The following NYAP1 variants were observed in gnomAD, a reference collection of about 807,000 sequenced individuals.
NYAP1 encodes neuronal tyrosine-phosphorylated phosphoinositide-3-kinase adapter 1.
In NYAP1, 20 loss-of-function variants were observed where a neutral mutation model predicts 58.6. The ratio of observed to expected loss-of-function variants is 0.34; its 90% CI spans 0.24 to 0.50. NYAP1 has a LOEUF of 0.50. Among genes scored for constraint, NYAP1 ranks in the 20% least tolerant of loss-of-function variants. The probability of loss-of-function intolerance (pLI) is 0.98; values close to 1 mark genes in which losing one functional copy is unlikely to be tolerated. For synonymous variants in NYAP1, 572 were observed against 523.1 expected, an observed-to-expected ratio of 1.09 and a Z score of -1.27; for missense variants, 1,150 against 1,194.5, an observed-to-expected ratio of 0.96 and a Z score of 0.55.
rs1563190820 is a variant in NYAP1 at position 100,493,907 on chromosome 7, G to C, written c.*4G>C. On this transcript the variant is annotated 3_prime_UTR_variant, in exon 7 of 7. Coordinates refer to ENST00000300179, the MANE Select transcript of NYAP1 (RefSeq NM_173564.4). ...CCTCTGGGACACCGCCATCTGAGGC[G>C]GGCGGGGGGGTACCGGGGCGCCTGG... is the stretch of plus-strand genomic sequence containing the variant. 1 of 1,439,022 alleles carries C rather than the reference G, an allele frequency of 6.9e-7. No individual in the cohort carries two copies. Among genetic ancestry groups the C allele is most frequent in the Non-Finnish European group, 9.1e-7 (1 of 1,102,046 alleles). 89.1% of individuals were successfully genotyped at this position (1,439,022 alleles called of 1,614,324 possible).
In NYAP1 at chr7:100,493,980, G is replaced by A; in HGVS notation, c.*77G>A. The A allele has an allele frequency of 8.0e-7, 1 of 1,254,432 alleles. No individual in the cohort carries two copies. Among genetic ancestry groups the A allele is most frequent in the Non-Finnish European group, 1.1e-6 (1 of 950,444 alleles). The allele number at this position is 1,254,432 out of a possible 1,614,324, so 77.7% of individuals were successfully genotyped here. ...CTGGCTCTCCCGGGAGCCTCGCCTT[G>A]AGAGACATTGAAAGACTACGTGGGA... On this transcript the variant is annotated 3_prime_UTR_variant, in exon 7 of 7. Coordinates refer to ENST00000300179, the MANE Select transcript of NYAP1 (RefSeq NM_173564.4).
intron 6 of NYAP1, 72 bp downstream of exon 6, chr7:100,491,167 A>G: frequency 9.6e-7 from 1 of 1,045,498 alleles, no homozygotes; most frequent in East Asian, 2.6e-5. Flanking sequence ...GAAAAGCAAT[A>G]AAGGGGCCAG....
chr7:100,490,662 C>T lies in NYAP1; in HGVS notation c.2091C>T (p.Asp697=), dbSNP rs971853909. 1 of 1,564,564 alleles carries T rather than the reference C, an allele frequency of 6.4e-7. No individual in the cohort carries two copies. The highest frequency in any genetic ancestry group is 1.2e-5 in the South Asian group (1 of 84,816). ...EGLLARIHHG[D]RGGSRTALPI... Reference sequence around the variant, plus strand: ...TGCTGGCCAGGATCCACCATGGAGACCGAGGAGGGAGCCGCACCGCGCTGC... The same window carrying T: ...TGCTGGCCAGGATCCACCATGGAGATCGAGGAGGGAGCCGCACCGCGCTGC... Residue 697 remains aspartate, a synonymous_variant, in exon 5 of 7, where the codon GAC becomes GAT. Transcript: ENST00000300179. The surrounding 1 kb of genome is among the most constrained non-coding windows in gnomAD (Gnocchi z 4.6).
In NYAP1 at chr7:100,487,113, CA is replaced by C. The variant is rs765730416; in HGVS notation, c.362del (p.His121ProfsTer82). On this transcript the variant is annotated frameshift_variant, in exon 3 of 7. Transcript: ENST00000300179. LOFTEE classifies it high-confidence loss of function. The surrounding 1 kb of genome is among the most constrained non-coding windows in gnomAD (Gnocchi z 4.1). ...TRRPPAKPRR[H>X]PSTKLSMVGP... ...AAGACCCCCTGCCAAGCCCCGGAGA[CA>C]CCCCAGCACCAAGCTCAGCATGGTG... The C allele has an allele frequency of 1.3e-6, 2 of 1,576,484 alleles. No homozygotes were observed. Among genetic ancestry groups the C allele is most frequent in the Admixed American group, 3.7e-5 (2 of 54,744 alleles).
chr7:100,492,571 T>C (rs771128777), intron 6 of NYAP1, among the ~76,000 whole-genome samples: 2 of 152,122 alleles, frequency 1.3e-5, no homozygotes, highest in Non-Finnish European at 2.9e-5. Context: ...CACTCTATCC[T>C]GGGTGTAAGG....
chr7:100,489,307 G>C lies in NYAP1; in HGVS notation c.1586G>C (p.Gly529Ala). ...GAAAGVLHHR[G>A]CLASPHSLPD... ...GCAGCTGGGGTCCTCCACCACCGCG[G>C]CTGCCTGGCCTCCCCCCACAGCCTT... The change falls in exon 4 of 7, where the codon GGC (glycine) becomes GCC (alanine). Residue 529 changes from glycine (G) to alanine (A), a missense_variant. Transcript: ENST00000300179. The C allele has an allele frequency of 6.2e-7, 1 of 1,601,932 alleles. No homozygotes were observed. Among genetic ancestry groups the C allele is most frequent in the Non-Finnish European group, 8.5e-7 (1 of 1,175,156 alleles).
In NYAP1 at chr7:100,488,860, G is replaced by A. The variant is rs775736706; in HGVS notation, c.1139G>A (p.Arg380Gln). The change falls in exon 4 of 7, where the codon CGG becomes CAG. Residue 380 changes from arginine to glutamine, a missense_variant. Coordinates refer to ENST00000300179, the MANE Select transcript of NYAP1 (RefSeq NM_173564.4). The surrounding 1 kb of genome is among the most constrained non-coding windows in gnomAD (Gnocchi z 5.9). The part of the protein sequence containing the change: ...TPAPQVPARE[R>Q]ETPPPPPPPP... ...GCTCCCCAAGTGCCTGCACGGGAGC[G>A]GGAGACGCCTCCCCCACCGCCTCCA... 1.3e-5 allele frequency: 21 copies of A among 1,599,418 alleles called. No individual in the cohort carries two copies. Among genetic ancestry groups the A allele is most frequent in the East Asian group, 2.2e-5 (1 of 44,786 alleles).
In NYAP1 at chr7:100,489,375, C is replaced by G. The variant is rs781037663; in HGVS notation, c.1654C>G (p.Pro552Ala). The change falls in exon 4 of 7, where the codon CCA becomes GCA. Residue 552 changes from proline (P) to alanine (A), a missense_variant. Physicochemically the swap from Pro to Ala is conservative, Grantham distance 27. Coordinates refer to ENST00000300179, the MANE Select transcript of NYAP1 (RefSeq NM_173564.4). ...CCCCCTGACCCCGCTGTGGACCTAC[C>G]CAGCCACAGCAGCTGGGCTCAAGAG... ...VGPLTPLWTY[P>A]ATAAGLKRPP... The G allele has an allele frequency of 2.5e-5, 40 of 1,612,748 alleles. No individual in the cohort carries two copies. The highest frequency in any genetic ancestry group is 3.3e-5 in the Non-Finnish European group (39 of 1,179,898).
In NYAP1 at chr7:100,487,264, G is replaced by C; in HGVS notation, c.430+82G>C. The stretch of plus-strand genomic sequence containing the variant: ...CACGCCCGGGGAGGCTTGCCGGGAG[G>C]GTTCATTCAGGGAAGAACCAAGGAA... On this transcript the variant is annotated intron_variant, in intron 3 of 6. Transcript: ENST00000300179. This position sits in a 1 kb window ranked among gnomAD's most constrained non-coding sequence, Gnocchi z 4.1. 1 of 1,369,630 alleles carries C rather than the reference G, an allele frequency of 7.3e-7. No homozygotes were observed. The highest frequency in any genetic ancestry group is 9.6e-7 in the Non-Finnish European group (1 of 1,039,016). The allele number at this position is 1,369,630 out of a possible 1,614,324, so 84.8% of individuals were successfully genotyped here.
chr7:100,486,890 G>A lies in NYAP1; in HGVS notation c.138G>A (p.Val46=), dbSNP rs1436645539. Residue 46 remains valine (V), a synonymous_variant, in exon 3 of 7, where the codon GTG becomes GTA. Coordinates refer to ENST00000300179, the MANE Select transcript of NYAP1 (RefSeq NM_173564.4). The surrounding 1 kb of genome is among the most constrained non-coding windows in gnomAD (Gnocchi z 6.2). The part of the protein sequence containing the change: ...PAAGQGPGVR[V]RDIASLRRSL... ...CCGGCCAGGGGCCTGGGGTCCGCGT[G>A]CGGGACATCGCCTCGCTGCGGCGCT... 1.3e-6 allele frequency: 2 copies of A among 1,570,224 alleles called. No individual in the cohort carries two copies. The highest frequency in any genetic ancestry group is 2.3e-5 in the East Asian group (1 of 42,692).
chr7:100,484,884 G>A (rs1799684218), intron 1 of NYAP1, among the ~76,000 whole-genome samples: 1 of 152,064 alleles, frequency 6.6e-6, no homozygotes, highest in African/African-American at 2.4e-5. Flanking sequence ...ATGTGGGTCG[G>A]TGGCTCCGTG....
chr7:100,487,010 C>A lies in NYAP1; in HGVS notation c.258C>A (p.His86Gln). The change falls in exon 3 of 7, where the codon CAC (histidine) becomes CAA (glutamine). Residue 86 changes from histidine (H) to glutamine (Q), a missense_variant. By Grantham distance (24) the His-to-Gln change is conservative. Coordinates refer to ENST00000300179, the MANE Select transcript of NYAP1 (RefSeq NM_173564.4). This position sits in a 1 kb window ranked among gnomAD's most constrained non-coding sequence, Gnocchi z 4.1. Reference sequence around the variant, plus strand: ...TGGCCCCACGCTCCCTCTCCTGCCACTCGGTGGGCAGCATGGACAGTGTCG... The same window carrying A: ...TGGCCCCACGCTCCCTCTCCTGCCAATCGGTGGGCAGCATGGACAGTGTCG... Reference protein sequence around the residue: ...SAMAPRSLSCHSVGSMDSVGG... With the variant: ...SAMAPRSLSCQSVGSMDSVGG... The A allele has an allele frequency of 6.2e-7, 1 of 1,609,622 alleles. No individual in the cohort carries two copies. The highest frequency in any genetic ancestry group is 1.1e-5 in the South Asian group (1 of 90,782).
In NYAP1 at chr7:100,494,103, A is replaced by C; in HGVS notation, c.*200A>C. 2.0e-6 allele frequency: 1 copy of C among 511,952 alleles called. No individual in the cohort carries two copies. The highest frequency in any genetic ancestry group is 3.3e-6 in the Non-Finnish European group (1 of 298,662). 31.7% of individuals were successfully genotyped at this position (511,952 alleles called of 1,614,324 possible). On this transcript the variant is annotated 3_prime_UTR_variant, in exon 7 of 7. Transcript: ENST00000300179. ...TAGGATGCCAACAGCGCTGCTGAGA[A>C]ACGGAGGAGGAGGAGGGTTTGCTTG...
chr7:100,490,044 G>T lies in NYAP1; in HGVS notation c.1945+378G>T, dbSNP rs1799773776. On this transcript the variant is annotated intron_variant, in intron 4 of 6. Coordinates refer to ENST00000300179, the MANE Select transcript of NYAP1 (RefSeq NM_173564.4). This position sits in a 1 kb window ranked among gnomAD's most constrained non-coding sequence, Gnocchi z 4.6. ...CAGACAGGAGGGAGAGGAGAGGGAG[G>T]CCCCTACCGTTGCCTGGCAACGCAA... is the stretch of plus-strand genomic sequence containing the variant. Among the ~76,000 whole-genome samples, 1 of 152,042 alleles carries T rather than the reference G, an allele frequency of 6.6e-6. No individual in the cohort carries two copies. The highest frequency in any genetic ancestry group is 6.5e-5 in the Admixed American group (1 of 15,272).
rs1799838009 is a variant in NYAP1 at position 100,494,138 on chromosome 7, C to G, written c.*235C>G. 2 of 471,208 alleles carry G rather than the reference C, an allele frequency of 4.2e-6. No individual in the cohort carries two copies. The highest frequency in any genetic ancestry group is 4.1e-5 in the Admixed American group (1 of 24,124). 29.2% of individuals were successfully genotyped at this position (471,208 alleles called of 1,614,324 possible). ...GAGGAGGGTTTGCTTGAGGTTGGGG[C>G]GAGAGTCGCTCTGGCTGTTCTTCCC... On this transcript the variant is annotated 3_prime_UTR_variant, in exon 7 of 7. Transcript: ENST00000300179.
In NYAP1 at chr7:100,488,477, G is replaced by A. The variant is rs370347195; in HGVS notation, c.756G>A (p.Ser252=). The A allele has an allele frequency of 2.2e-4, 358 of 1,611,864 alleles. No homozygotes were observed. Among genetic ancestry groups the A allele is most frequent in the Middle Eastern group, 1.2e-3 (7 of 6,078 alleles). ...GGPTPPAGAD[S]DSEESEAIYE... ...CGACCCCTCCAGCGGGCGCCGACTC[G>A]GACTCTGAAGAGAGTGAGGCCATCT... Residue 252 remains serine, a synonymous_variant, in exon 4 of 7, where the codon TCG becomes TCA. Transcript: ENST00000300179. The surrounding 1 kb of genome is among the most constrained non-coding windows in gnomAD (Gnocchi z 5.9).
In NYAP1 at chr7:100,494,207, AGCATGGG is replaced by A; in HGVS notation, c.*306_*312del. ...CTCCTCCTGAACCAAGCCAGAGGTC[AGCATGGG>A]GAAGGGAGGAAGGAAGGGATGGGAG... is the stretch of plus-strand genomic sequence containing the variant. On this transcript the variant is annotated 3_prime_UTR_variant, in exon 7 of 7. Coordinates refer to ENST00000300179, the MANE Select transcript of NYAP1 (RefSeq NM_173564.4). 3.0e-6 allele frequency: 1 copy of A among 328,636 alleles called. No homozygotes were observed. The highest frequency in any genetic ancestry group is 5.5e-6 in the Non-Finnish European group (1 of 181,192). 20.4% of individuals were successfully genotyped at this position (328,636 alleles called of 1,614,324 possible). A position where few individuals can be genotyped will look rare whatever the true frequency, so the allele number is the denominator to read the frequency against.
chr7:100,487,172 C>G lies in NYAP1; in HGVS notation c.420C>G (p.Ser140Arg). The G allele has an allele frequency of 1.3e-6, 2 of 1,488,876 alleles. No individual in the cohort carries two copies. Among genetic ancestry groups the G allele is most frequent in the African/African-American group, 2.9e-5 (2 of 69,068 alleles). The allele number at this position is 1,488,876 out of a possible 1,614,324, so 92.2% of individuals were successfully genotyped here. ...GGTCTGGGGCAGAGACGCCCCCCAGCAAGAAAGCAGGTGAGATACCCCCTA... is the reference window on the plus strand; with the variant it reads ...GGTCTGGGGCAGAGACGCCCCCCAGGAAGAAAGCAGGTGAGATACCCCCTA... ...GPGSGAETPP[S>R]KKAGSQKPTP... Residue 140 changes from serine (S) to arginine (R), a missense_variant, in exon 3 of 7, where the codon AGC becomes AGG. Transcript: ENST00000300179. This position sits in a 1 kb window ranked among gnomAD's most constrained non-coding sequence, Gnocchi z 4.1.
In NYAP1 at chr7:100,485,096, G is replaced by T; in HGVS notation, c.-84-132G>T. 1 of 580,172 alleles carries T rather than the reference G, an allele frequency of 1.7e-6. No individual in the cohort carries two copies. The highest frequency in any genetic ancestry group is 3.1e-6 in the Non-Finnish European group (1 of 324,258). 35.9% of individuals were successfully genotyped at this position (580,172 alleles called of 1,614,324 possible). ...CTGTGGGTCCTCGAAGCTGTGTTGG[G>T]TTTTCTGTCTGTGTTTTCCTCTCTG... is the stretch of plus-strand genomic sequence containing the variant. On this transcript the variant is annotated intron_variant, in intron 1 of 6. Coordinates refer to ENST00000300179, the MANE Select transcript of NYAP1 (RefSeq NM_173564.4). The surrounding 1 kb of genome is among the most constrained non-coding windows in gnomAD (Gnocchi z 5.7).
Sources: allele counts gnomAD v4.1 joint callset (sites outside exome capture counted in the v4.1 genomes callset), GRCh38; gene constraint gnomAD v4.1.1; non-coding constraint Gnocchi (gnomAD v3.1); transcripts MANE v1.5; gene names NCBI Gene and HGNC (gene_info 2026-07-23, HGNC 2026-07-21).